NAV2: variants seen among roughly 807,000 people sequenced by gnomAD.
NAV2 encodes neuron navigator 2.
In NAV2, 54 loss-of-function variants were observed where a neutral mutation model predicts 223.2. That is an observed-to-expected ratio of 0.24 (90% confidence interval 0.19 to 0.30). NAV2 has a LOEUF of 0.30. NAV2 is among the 10% of genes least tolerant of loss of function. The probability of loss-of-function intolerance (pLI) is 1.00; values close to 1 mark genes in which losing one functional copy is unlikely to be tolerated. For missense variants in NAV2, 2,806 were observed against 3,147.5 expected, an observed-to-expected ratio of 0.89 and a Z score of 2.60; for synonymous variants, 1,279 against 1,239.3, an observed-to-expected ratio of 1.03 and a Z score of -0.67.
chr11:19,521,650 T>C (rs2702704), intron 1 of NAV2, among the ~76,000 whole-genome samples: 62,631 of 151,974 alleles, frequency 0.41, 13,277 homozygotes, highest in African/African-American at 0.49. Flanking sequence ...TTATATCTGA[T>C]ATCAGTGAGC....
intron 1 of NAV2, among the ~76,000 whole-genome samples, chr11:19,393,024 C>A (rs1849308716): frequency 6.6e-6 from 1 of 152,218 alleles, no homozygotes; most frequent in African/African-American, 2.4e-5. Context: ...TGTCACTCAG[C>A]ATTGTTGGTG....
Position 19,586,911 on chromosome 11 carries a change from T to A in NAV2, c.75+235884T>A, listed in dbSNP as rs553474791. On this transcript the variant is annotated intron_variant, in intron 1 of 37. Transcript: ENST00000360655. Reference sequence around the variant, plus strand: ...CCACTACTCTCTTCAAAGCTGTCAGTCGGGGACATTTAAGTCTGCAGAGGT... The same window carrying A: ...CCACTACTCTCTTCAAAGCTGTCAGACGGGGACATTTAAGTCTGCAGAGGT... Among the ~76,000 whole-genome samples, 445 of 152,334 alleles carry A rather than the reference T, an allele frequency of 2.9e-3. 4 individuals carry two copies. The highest frequency in any genetic ancestry group is 1.0e-2 in the African/African-American group (414 of 41,584).
chr11:19,682,151 C>A (rs1266969105), intron 1 of NAV2, among the ~76,000 whole-genome samples: 2 of 152,116 alleles, frequency 1.3e-5, no homozygotes, highest in East Asian at 3.9e-4. Flanking sequence ...ATGGTACACC[C>A]TACACATTGC....
intron 11 of NAV2, among the ~76,000 whole-genome samples, chr11:20,031,626 A>G (rs186543893): frequency 1.2e-4 from 18 of 152,328 alleles, no homozygotes; most frequent in African/African-American, 4.3e-4. Context: ...GCACACTTCC[A>G]TCCCTCTCAG....
chr11:20,032,121 C>T (rs1045983809), intron 11 of NAV2, among the ~76,000 whole-genome samples: 1 of 152,220 alleles, frequency 6.6e-6, no homozygotes, highest in South Asian at 2.1e-4. Flanking sequence ...GGAGACATGG[C>T]TGGTTTTCCA....
chr11:20,094,327 T>G (rs1328798307), intron 29 of NAV2, among the ~76,000 whole-genome samples: 1 of 146,286 alleles, frequency 6.8e-6, no homozygotes, highest in African/African-American at 2.5e-5. Context: ...CCTCCCAGGT[T>G]CAAGCGATTC....
At chr11:19,615,671 T>C (rs2135368720) in intron 1 of NAV2, among the ~76,000 whole-genome samples, 1 of 152,336 alleles carries the variant, frequency 6.6e-6, no homozygotes, top group Non-Finnish European at 1.5e-5. Flanking sequence ...GAATCAGCTC[T>C]AAAAGGGGAA....
intron 11 of NAV2, among the ~76,000 whole-genome samples, chr11:19,993,556 T>C (rs1032859823): frequency 1.3e-5 from 2 of 152,172 alleles, no homozygotes; most frequent in Admixed American, 6.5e-5. Flanking sequence ...TGCAAGTGAG[T>C]GCCTGTGCTT....
intron 1 of NAV2, among the ~76,000 whole-genome samples, chr11:19,821,028 C>T (rs1391237353): frequency 6.6e-6 from 1 of 152,092 alleles, no homozygotes; most frequent in Non-Finnish European, 1.5e-5. Context: ...TTTGGGAGGC[C>T]GAGGCGGGCA....
intron 5 of NAV2, among the ~76,000 whole-genome samples, chr11:19,889,321 G>A (rs997908601): frequency 6.6e-6 from 1 of 152,112 alleles, no homozygotes; most frequent in African/African-American, 2.4e-5. Flanking sequence ...AGCAAGCAAC[G>A]ATCTGAGCCC....
intron 1 of NAV2, among the ~76,000 whole-genome samples, chr11:19,803,942 G>T (rs1009094938): frequency 2.0e-5 from 3 of 152,248 alleles, no homozygotes; most frequent in South Asian, 2.1e-4. Flanking sequence ...GGCAAGGGTA[G>T]GGTAGAGCTT....
rs966525272 is a variant in NAV2 at position 20,114,401 on chromosome 11, G to A, written c.6961-191G>A. On this transcript the variant is annotated intron_variant, in intron 36 of 37. Transcript: ENST00000349880. Reference sequence around the variant, plus strand: ...CCTGTATTCTAGACCACTGGGTCATGCTGCCTTCAGCCTTAGCACCTCGAA... The same window carrying A: ...CCTGTATTCTAGACCACTGGGTCATACTGCCTTCAGCCTTAGCACCTCGAA... 7 of 608,496 alleles carry A rather than the reference G, an allele frequency of 1.2e-5. No homozygotes were observed. In the African/African-American group the frequency reaches 1.3e-4, roughly 11 times the overall value. 37.7% of individuals were successfully genotyped at this position (608,496 alleles called of 1,614,324 possible). A position where few individuals can be genotyped will look rare whatever the true frequency, so the allele number is the denominator to read the frequency against.
At position 20,100,997 on chromosome 11, in the gene NAV2, T is replaced by G; in HGVS notation, c.6242T>G (p.Leu2081Arg). The G allele has an allele frequency of 6.2e-7, 1 of 1,614,180 alleles. No individual in the cohort carries two copies. Among genetic ancestry groups the G allele is most frequent in the Non-Finnish European group, 8.5e-7 (1 of 1,180,028 alleles). ...VFESLIPKPI[L>R]QRYVSLLIEH... ...GAGTCCTTGATTCCCAAGCCCATCC[T>G]GCAGCGCTACGTCTCCCTCCTGATA... The change falls in exon 32 of 38, where the codon CTG becomes CGG. Residue 2081 changes from leucine (L) to arginine (R), a missense_variant. Leu to Arg is a moderately radical substitution (Grantham distance 102, BLOSUM62 -2). Transcript: ENST00000349880.
chr11:19,672,263 A>C (rs534610623), intron 1 of NAV2, among the ~76,000 whole-genome samples: 1 of 152,148 alleles, frequency 6.6e-6, no homozygotes, highest in Non-Finnish European at 1.5e-5. Context: ...TGCTCAAGAA[A>C]TATTTGGGAT....
chr11:20,051,630 G>T (rs2058017086), intron 17 of NAV2, among the ~76,000 whole-genome samples: 1 of 152,208 alleles, frequency 6.6e-6, no homozygotes, highest in Admixed American at 6.5e-5. Flanking sequence ...GGGGCCAATG[G>T]GTTTAATTTC....
At chr11:19,848,063 C>T (rs551887200) in intron 3 of NAV2, among the ~76,000 whole-genome samples, 2 of 152,288 alleles carry the variant, frequency 1.3e-5, no homozygotes, top group South Asian at 4.1e-4. Context: ...TGCCCTGGGG[C>T]TCCATAGACT....
Position 20,118,581 on chromosome 11 carries a change from C to G in NAV2, c.*323C>G, listed in dbSNP as rs2063317726. The stretch of plus-strand genomic sequence containing the variant: ...ATCGCCGTTGAAATGAAAAGAGAGA[C>G]AGAGAGAAAAAAAAAAAGAGAACCC... On this transcript the variant is annotated 3_prime_UTR_variant, in exon 38 of 38. Transcript: ENST00000349880. 1.1e-5 allele frequency: 1 copy of G among 90,368 alleles called. No homozygotes were observed. Among genetic ancestry groups the G allele is most frequent in the Non-Finnish European group, 2.8e-5 (1 of 35,854 alleles). The allele number at this position is 90,368 out of a possible 1,614,324, so 5.6% of individuals were successfully genotyped here. A position where few individuals can be genotyped will look rare whatever the true frequency, so the allele number is the denominator to read the frequency against.
chr11:19,965,397 T>C (rs2048688987), intron 10 of NAV2, among the ~76,000 whole-genome samples: 1 of 152,218 alleles, frequency 6.6e-6, no homozygotes, highest in African/African-American at 2.4e-5. Context: ...CCATTTTTTT[T>C]TCCCACACCC....
At chr11:19,481,841 C>A (rs1285246164) in intron 1 of NAV2, among the ~76,000 whole-genome samples, 1 of 152,188 alleles carries the variant, frequency 6.6e-6, no homozygotes, top group Non-Finnish European at 1.5e-5. Flanking sequence ...TCACAGTTGG[C>A]CCACAAAGGT....
Sources: gnomAD v4.1 joint callset for allele counts (sites outside exome capture counted in the v4.1 genomes callset) on GRCh38, gnomAD v4.1.1 for gene constraint, MANE v1.5 for transcripts, NCBI Gene and HGNC (gene_info 2026-07-23, HGNC 2026-07-21) for gene names.